The following COL8A1 variants were observed in gnomAD, a reference collection of about 807,000 sequenced individuals.
COL8A1 encodes collagen alpha-1(VIII) chain.
A neutral mutation model predicts 42.7 loss-of-function variants in COL8A1; 21 were observed. That is an observed-to-expected ratio of 0.49 (90% CI 0.35 to 0.71). The LOEUF is 0.71. Ranked by LOEUF, COL8A1 falls within the 30% of genes least tolerant of loss-of-function variation. The pLI, the probability that COL8A1 is intolerant of heterozygous loss-of-function variation, is 0.01. For missense variants in COL8A1, 788 were observed against 962.4 expected, an observed-to-expected ratio of 0.82 and a Z score of 2.40; for synonymous variants, 367 against 369.1, an observed-to-expected ratio of 0.99 and a Z score of 0.06.
intron 2 of COL8A1, among the ~76,000 whole-genome samples, chr3:99,759,176 A>G (rs1231049528): frequency 2.0e-5 from 3 of 149,510 alleles, no homozygotes; most frequent in Non-Finnish European, 4.4e-5. Context: ...TGCTCCCTTC[A>G]CTAAAATACA....
intron 1 of COL8A1, among the ~76,000 whole-genome samples, chr3:99,711,863 C>T (rs947255586): frequency 1.6e-4 from 25 of 152,118 alleles, no homozygotes; most frequent in African/African-American, 6.0e-4. Context: ...TTTTCTACCT[C>T]TCTATCTTCC....
chr3:99,719,786 T>C (rs13063598), intron 1 of COL8A1, among the ~76,000 whole-genome samples: 5,903 of 152,128 alleles, frequency 0.039, 146 homozygotes, highest in Non-Finnish European at 0.062. Context: ...AAAGAAGATG[T>C]AGATGTCAGT....
Position 99,795,542 on chromosome 3 carries a change from T to A in COL8A1, c.1641T>A (p.Pro547=). 6.2e-7 allele frequency: 1 copy of A among 1,606,510 alleles called. No homozygotes were observed. Among genetic ancestry groups the A allele is most frequent in the Non-Finnish European group, 8.5e-7 (1 of 1,176,572 alleles). ...VAGLHGPPGK[P]GALGPQGQPG... ...GACTTCATGGCCCCCCAGGGAAGCC[T>A]GGTGCCCTTGGTCCTCAAGGCCAGC... The change falls in exon 4 of 4, where the codon CCT becomes CCA. Residue 547 remains proline (P), a synonymous_variant. Transcript: ENST00000652472.
chr3:99,645,820 A>C (rs1937631091), intron 1 of COL8A1, among the ~76,000 whole-genome samples: 1 of 152,152 alleles, frequency 6.6e-6, no homozygotes, highest in Non-Finnish European at 1.5e-5. Context: ...AAACAATCTT[A>C]GAAAATGTTC....
At chr3:99,757,021 C>T (rs1197792480) in intron 2 of COL8A1, among the ~76,000 whole-genome samples, 5 of 152,118 alleles carry the variant, frequency 3.3e-5, no homozygotes, top group Admixed American at 6.5e-5. Flanking sequence ...GAAGAAGAAA[C>T]GAAATTCTAA....
chr3:99,642,126 G>T (rs1413530297), intron 1 of COL8A1, among the ~76,000 whole-genome samples: 1 of 152,122 alleles, frequency 6.6e-6, no homozygotes, highest in African/African-American at 2.4e-5. Context: ...CTAAATTATA[G>T]CTCTATTAAA....
intron 1 of COL8A1, among the ~76,000 whole-genome samples, chr3:99,690,152 A>G (rs967175180): frequency 2.0e-5 from 3 of 152,210 alleles, no homozygotes; most frequent in Admixed American, 2.0e-4. Flanking sequence ...TAGGCATTAC[A>G]TGAGGAAGAG....
intron 2 of COL8A1, among the ~76,000 whole-genome samples, chr3:99,747,341 T>C (rs1275365621): frequency 6.6e-6 from 1 of 152,234 alleles, no homozygotes; most frequent in African/African-American, 2.4e-5. Context: ...ACACATAGTA[T>C]GTACTAAATA....
chr3:99,746,010 T>C (rs62283489), intron 2 of COL8A1, among the ~76,000 whole-genome samples: 642 of 152,300 alleles, frequency 4.2e-3, no homozygotes, highest in Non-Finnish European at 7.3e-3. Context: ...TTTAATTTTA[T>C]TTCATAATTA....
intron 1 of COL8A1, among the ~76,000 whole-genome samples, chr3:99,660,012 C>T (rs1187892012): frequency 6.6e-6 from 1 of 152,166 alleles, no homozygotes; most frequent in East Asian, 1.9e-4. Context: ...GCAAATAGAG[C>T]CAATAAACTA....
In COL8A1 at chr3:99,662,746, G is replaced by C. The variant is rs1210128900; in HGVS notation, c.-129+24082G>C. Among the ~76,000 whole-genome samples the C allele has an allele frequency of 5.3e-5, 8 of 152,140 alleles. 1 individual carries two copies. Among genetic ancestry groups the C allele is most frequent in the Middle Eastern group, 3.2e-3 (1 of 316 alleles). On this transcript the variant is annotated intron_variant, in intron 1 of 3. Transcript: ENST00000652472. ...AAATATCTGTTCCATGCCTCCACTAGCTTCTGATGGTTTGCTGGCAATCTT... is the reference window on the plus strand; with the variant it reads ...AAATATCTGTTCCATGCCTCCACTACCTTCTGATGGTTTGCTGGCAATCTT...
chr3:99,725,985 G>A (rs890671372), intron 1 of COL8A1, among the ~76,000 whole-genome samples: 1 of 152,040 alleles, frequency 6.6e-6, no homozygotes, highest in Admixed American at 6.6e-5. Flanking sequence ...TTGAGGAATC[G>A]CCACACTAAC....
intron 1 of COL8A1, among the ~76,000 whole-genome samples, chr3:99,656,229 T>C (rs939293980): frequency 6.6e-6 from 1 of 152,236 alleles, no homozygotes; most frequent in African/African-American, 2.4e-5. Context: ...GTTGAGTTTA[T>C]TCTAATATGT....
chr3:99,669,963 G>GT (rs1250524434), intron 1 of COL8A1, among the ~76,000 whole-genome samples: 1 of 151,914 alleles, frequency 6.6e-6, no homozygotes, highest in Admixed American at 6.6e-5. Context: ...GTTTTCTAGA[G>GT]CCTTCTTGAA....
intron 1 of COL8A1, chr3:99,679,630 G>A (rs1197369764): frequency 6.6e-6 from 1 of 152,152 alleles, no homozygotes; most frequent in East Asian, 1.9e-4. Flanking sequence ...ATGATCTTGA[G>A]CAAGTCATTT....
rs140136211 is a variant in COL8A1 at position 99,677,064 on chromosome 3, AAG to A, written c.-129+38419_-129+38420del. On this transcript the variant is annotated intron_variant, in intron 1 of 3. Transcript: ENST00000652472. ...AAAACCCTGTCTGTACAAAAAGAAA[AAG>A]AGAGAGAGAGAGAGAGAGGGAGAAA... 5.5e-3 allele frequency among the ~76,000 whole-genome samples: 821 copies of A among 149,320 alleles called. 16 individuals carry two copies. The highest frequency in any genetic ancestry group is 0.02 in the East Asian group (100 of 5,106).
chr3:99,781,606 G>A (rs1404156658), intron 2 of COL8A1, among the ~76,000 whole-genome samples: 1 of 152,138 alleles, frequency 6.6e-6, no homozygotes, highest in Non-Finnish European at 1.5e-5. Context: ...TACATTAGAT[G>A]AAATTTCCCC....
At chr3:99,787,006 A>G (rs921436941) in intron 2 of COL8A1, among the ~76,000 whole-genome samples, 1 of 152,192 alleles carries the variant, frequency 6.6e-6, no homozygotes, top group Non-Finnish European at 1.5e-5. Context: ...AGAGAGGCTT[A>G]TACACACCAC....
intron 1 of COL8A1, among the ~76,000 whole-genome samples, chr3:99,650,734 C>G (rs929085509): frequency 2.0e-5 from 3 of 152,160 alleles, no homozygotes; most frequent in Non-Finnish European, 4.4e-5. Context: ...GTGGCTAACA[C>G]AAATGAGGTA....
Sources: allele counts gnomAD v4.1 joint callset (sites outside exome capture counted in the v4.1 genomes callset), GRCh38; gene constraint gnomAD v4.1.1; transcripts MANE v1.5; gene names NCBI Gene and HGNC (gene_info 2026-07-23, HGNC 2026-07-21).